The following TMEM117 variants were observed in gnomAD, a reference collection of about 807,000 sequenced individuals.
TMEM117 encodes transmembrane protein 117.
Under a neutral mutation model 52.4 loss-of-function variants are expected in TMEM117, and 27 were observed. That is an observed-to-expected ratio of 0.51 (90% CI 0.38 to 0.71). TMEM117 has a LOEUF of 0.71. Ranked by LOEUF, TMEM117 falls within the 30% of genes least tolerant of loss-of-function variation. TMEM117 has a pLI of 0.00. For missense variants in TMEM117, 556 were observed against 630.5 expected, an observed-to-expected ratio of 0.88 and a Z score of 1.26; for synonymous variants, 215 against 206.3, an observed-to-expected ratio of 1.04 and a Z score of -0.36.
chr12:43,841,702 G>T (rs1053762465), intron 1 of TMEM117, among the ~76,000 whole-genome samples: 1 of 152,172 alleles, frequency 6.6e-6, no homozygotes. Context: ...TGATCTGGCC[G>T]TCTGCAGGAA....
intron 3 of TMEM117, among the ~76,000 whole-genome samples, chr12:44,058,373 T>G (rs533687373): frequency 2.0e-5 from 3 of 152,306 alleles, no homozygotes; most frequent in Non-Finnish European, 4.4e-5. Context: ...TTTCACCAGG[T>G]GTTACCCAGG....
At chr12:44,231,348 G>T (rs113965699) in intron 5 of TMEM117, among the ~76,000 whole-genome samples, 1 of 150,932 alleles carries the variant, frequency 6.6e-6, no homozygotes, top group Admixed American at 6.6e-5. Flanking sequence ...GTATTACATT[G>T]TATGAACATA....
At chr12:43,915,649 A>T (rs940274174) in intron 2 of TMEM117, among the ~76,000 whole-genome samples, 38 of 152,250 alleles carry the variant, frequency 2.5e-4, no homozygotes, top group African/African-American at 7.7e-4. Flanking sequence ...AGGCCTGCTC[A>T]GGCGAGACCT....
chr12:44,116,908 A>G (rs952745963), intron 3 of TMEM117, among the ~76,000 whole-genome samples: 1 of 152,098 alleles, frequency 6.6e-6, no homozygotes, highest in Non-Finnish European at 1.5e-5. Context: ...TAGCCTCCTA[A>G]CTGATCTAAT....
intron 2 of TMEM117, among the ~76,000 whole-genome samples, chr12:43,880,467 GA>G (rs1476026515): frequency 3.3e-5 from 5 of 151,840 alleles, no homozygotes; most frequent in Non-Finnish European, 5.9e-5. Context: ...TTATCTTGCA[GA>G]ATTAAGCAGT....
At chr12:44,089,231 T>C (rs1236516699) in intron 3 of TMEM117, among the ~76,000 whole-genome samples, 1 of 152,198 alleles carries the variant, frequency 6.6e-6, no homozygotes, top group Non-Finnish European at 1.5e-5. Context: ...AAAAACTCCT[T>C]GACAATCTTT....
At chr12:44,281,794 C>G (rs1251952742) in intron 5 of TMEM117, among the ~76,000 whole-genome samples, 1 of 152,118 alleles carries the variant, frequency 6.6e-6, no homozygotes, top group Non-Finnish European at 1.5e-5. Flanking sequence ...CTGGCATTGT[C>G]TGTATTAATG....
At chr12:44,005,161 T>G (rs1022861368) in intron 3 of TMEM117, among the ~76,000 whole-genome samples, 1 of 152,210 alleles carries the variant, frequency 6.6e-6, no homozygotes, top group African/African-American at 2.4e-5. Flanking sequence ...TTTACAAATT[T>G]GTAAACAAGA....
chr12:44,394,341 G>T (rs1409801112), downstream of TMEM117, among the ~76,000 whole-genome samples: 1 of 152,172 alleles, frequency 6.6e-6, no homozygotes, highest in East Asian at 1.9e-4. Context: ...AATATGACAG[G>T]CATGGGCTCC....
intron 3 of TMEM117, among the ~76,000 whole-genome samples, chr12:44,003,490 T>G (rs576213918): frequency 2.6e-5 from 4 of 152,296 alleles, no homozygotes; most frequent in Admixed American, 2.0e-4. Flanking sequence ...CTTTCTTGTC[T>G]TTCTCCGCTC....
intron 6 of TMEM117, among the ~76,000 whole-genome samples, chr12:44,364,852 A>G (rs1217122082): frequency 6.6e-6 from 1 of 152,106 alleles, no homozygotes; most frequent in Non-Finnish European, 1.5e-5. Flanking sequence ...TGTTGGGAGT[A>G]CAAATCTTAA....
intron 6 of TMEM117, among the ~76,000 whole-genome samples, chr12:44,326,949 G>A (rs1031622691): frequency 1.3e-5 from 2 of 152,180 alleles, no homozygotes; most frequent in Non-Finnish European, 2.9e-5. Flanking sequence ...CAAGGCGGAG[G>A]CCTTGGAAGT....
rs556492953 is a variant in TMEM117 at position 43,861,778 on chromosome 12, T to C, written c.277+16850T>C. Among the ~76,000 whole-genome samples the C allele has an allele frequency of 2.0e-4, 30 of 152,258 alleles. 1 individual carries two copies. The highest frequency in any genetic ancestry group is 1.7e-3 in the South Asian group (8 of 4,822). On this transcript the variant is annotated intron_variant, in intron 2 of 7. Transcript: ENST00000266534. ...ATGTGGGAGGATTGATTCTATGCAC[T>C]AGGGATACAGTGGTGAATAATAATA...
chr12:43,884,540 G>A (rs1304060469), intron 2 of TMEM117, among the ~76,000 whole-genome samples: 1 of 152,102 alleles, frequency 6.6e-6, no homozygotes, highest in African/African-American at 2.4e-5. Flanking sequence ...TTGATCCCAT[G>A]TCTGTCCAAA....
intron 3 of TMEM117, among the ~76,000 whole-genome samples, chr12:44,006,275 G>A (rs1312600828): frequency 6.6e-6 from 1 of 152,178 alleles, no homozygotes; most frequent in South Asian, 2.1e-4. Flanking sequence ...AGACAGAGTC[G>A]GCAAGAAGGG....
chr12:44,228,699 A>G (rs1380041431), intron 5 of TMEM117, among the ~76,000 whole-genome samples: 1 of 152,166 alleles, frequency 6.6e-6, no homozygotes, highest in Non-Finnish European at 1.5e-5. Flanking sequence ...CAAGTGCAGT[A>G]TATAGTTAAT....
intron 2 of TMEM117, among the ~76,000 whole-genome samples, chr12:43,924,104 A>C (rs541402566): frequency 6.6e-6 from 1 of 152,250 alleles, no homozygotes; most frequent in South Asian, 2.1e-4. Flanking sequence ...AAAAAATGGC[A>C]CTGTGAATCT....
At chr12:44,292,305 T>C (rs1347590859) in intron 5 of TMEM117, among the ~76,000 whole-genome samples, 1 of 152,140 alleles carries the variant, frequency 6.6e-6, no homozygotes, top group Admixed American at 6.5e-5. Context: ...AGTTGTAATG[T>C]CTTCCCTTTT....
At chr12:43,837,178 A>G (rs773453450) in intron 1 of TMEM117, among the ~76,000 whole-genome samples, 1 of 152,076 alleles carries the variant, frequency 6.6e-6, no homozygotes, top group Non-Finnish European at 1.5e-5. Flanking sequence ...TCCACCCTCC[A>G]TCTGATCCGT....
Sources: gnomAD v4.1 joint callset for allele counts (sites outside exome capture counted in the v4.1 genomes callset) on GRCh38, gnomAD v4.1.1 for gene constraint, MANE v1.5 for transcripts, NCBI Gene and HGNC (gene_info 2026-07-23, HGNC 2026-07-21) for gene names.